Variants in STXBP4 observed in about 807,000 individuals in gnomAD.
The protein encoded by STXBP4 is syntaxin binding protein 4, also known as syntaxin-binding protein 4.
In STXBP4, 55 loss-of-function variants were observed where a neutral mutation model predicts 76.1. The observed-to-expected ratio is 0.72, with a 90% confidence interval of 0.58 to 0.91. The LOEUF is 0.91. STXBP4 is among the 40% of genes least tolerant of loss of function. The pLI is 0.00. For missense variants in STXBP4, 618 were observed against 636.9 expected (o/e 0.97, Z 0.32); for synonymous variants, 201 against 220.2 (o/e 0.91, Z 0.77).
the STXBP4 span, among the ~76,000 whole-genome samples, chr17:55,204,469 T>C: frequency 6.6e-6 from 1 of 152,126 alleles, no homozygotes; most frequent in Non-Finnish European, 1.5e-5. Context: ...GCCTGCCAGG[T>C]TTTAAAAATT....
Position 55,159,829 on chromosome 17 carries a change from C to T in STXBP4, c.1580C>T (p.Pro527Leu). 1 of 1,613,558 alleles carries T rather than the reference C, an allele frequency of 6.2e-7. No homozygotes were observed. Among genetic ancestry groups the T allele is most frequent in the Non-Finnish European group, 8.5e-7 (1 of 1,179,604 alleles). The change falls in exon 18 of 18, where the codon CCC becomes CTC. Residue 527 changes from proline (P) to leucine (L), a missense_variant. Coordinates refer to ENST00000376352, the MANE Select transcript of STXBP4 (RefSeq NM_178509.6). ...ACACAGACTACATCCTGGATCCATC[C>T]CGTGATGAGTGTCCTGAATCTATCT... Reference protein sequence around the residue: ...HVTQTTSWIHPVMSVLNLSRS... With the variant: ...HVTQTTSWIHLVMSVLNLSRS...
chr17:55,185,287 C>CCTT, the STXBP4 span, among the ~76,000 whole-genome samples: 1 of 108,268 alleles, frequency 9.2e-6, no homozygotes, highest in Admixed American at 9.6e-5. Flanking sequence ...TTCTCCTTCT[C>CCTT]CTTCTCCTTC....
chr17:55,063,033 G>T lies in STXBP4; in HGVS notation c.1012-9867G>T, dbSNP rs72833268. Among the ~76,000 whole-genome samples, 1,471 of 152,216 alleles carry T rather than the reference G, an allele frequency of 9.7e-3. 18 individuals carry two copies. The highest frequency in any genetic ancestry group is 0.032 in the South Asian group (153 of 4,824). On this transcript the variant is annotated intron_variant, in intron 12 of 17. Transcript: ENST00000376352. The stretch of plus-strand genomic sequence containing the variant: ...ACATTAATTCCTTTTTTGTGATTCA[G>T]AAAGTGACTCCTGTATTCTCCACCA...
chr17:55,050,157 G>C (rs1355992725), intron 12 of STXBP4, among the ~76,000 whole-genome samples: 1 of 152,046 alleles, frequency 6.6e-6, no homozygotes, highest in African/African-American at 2.4e-5. Context: ...GAATACCCTA[G>C]AGAGTGATAA....
At position 55,079,630 on chromosome 17, in the gene STXBP4, G is replaced by T. The variant is rs540644550; in HGVS notation, c.1355+895G>T. 1.5e-3 allele frequency among the ~76,000 whole-genome samples: 235 copies of T among 151,870 alleles called. 7 individuals carry two copies. The South Asian group carries it at 0.044, about 29-fold the overall frequency. The stretch of plus-strand genomic sequence containing the variant: ...AAAAAAAAAAAGAAATAGCCAGATG[G>T]GATGGTGCATTCCTATATTCCCAGC... On this transcript the variant is annotated intron_variant, in intron 15 of 17. Coordinates refer to ENST00000376352, the MANE Select transcript of STXBP4 (RefSeq NM_178509.6).
chr17:55,056,641 G>C, intron 12 of STXBP4, among the ~76,000 whole-genome samples: 1 of 152,180 alleles, frequency 6.6e-6, no homozygotes, highest in East Asian at 1.9e-4. Flanking sequence ...GATGGAGGCT[G>C]CAGTGAATTA....
chr17:55,034,633 A>G (rs1432214852), intron 10 of STXBP4, among the ~76,000 whole-genome samples: 1 of 152,108 alleles, frequency 6.6e-6, no homozygotes, highest in Non-Finnish European at 1.5e-5. Context: ...TATATATACT[A>G]TGAAATTTTA....
At chr17:55,112,688 A>G (rs1368533623) in intron 16 of STXBP4, among the ~76,000 whole-genome samples, 1 of 152,102 alleles carries the variant, frequency 6.6e-6, no homozygotes. Flanking sequence ...GTATTTGAAG[A>G]TGTTGTTTAG....
At chr17:55,147,851 C>T (rs2080174270) in intron 17 of STXBP4, among the ~76,000 whole-genome samples, 3 of 152,198 alleles carry the variant, frequency 2.0e-5, no homozygotes, top group African/African-American at 7.2e-5. Flanking sequence ...TTCAACTTCA[C>T]TGATGTATGC....
chr17:55,141,938 G>T (rs2145152112), intron 17 of STXBP4, among the ~76,000 whole-genome samples: 1 of 152,294 alleles, frequency 6.6e-6, no homozygotes, highest in Admixed American at 6.5e-5. Flanking sequence ...GACAGTATAT[G>T]AACAAACCTT....
chr17:55,036,943 G>A (rs2078614130), intron 10 of STXBP4, among the ~76,000 whole-genome samples: 1 of 151,910 alleles, frequency 6.6e-6, no homozygotes, highest in South Asian at 2.1e-4. Flanking sequence ...AAATAAGTCT[G>A]ACCACTCATT....
chr17:55,146,726 GA>G (rs34470146), intron 17 of STXBP4, among the ~76,000 whole-genome samples: 50,316 of 144,082 alleles, frequency 0.35, 8,763 homozygotes, highest in African/African-American at 0.46. Flanking sequence ...CAAAAAAAAA[GA>G]AAAAAAAAAA....
intron 16 of STXBP4, among the ~76,000 whole-genome samples, chr17:55,124,062 T>A (rs1205203023): frequency 6.6e-6 from 1 of 152,184 alleles, no homozygotes; most frequent in Non-Finnish European, 1.5e-5. Context: ...GCCTAAGATA[T>A]GACAAGAAGG....
intron 17 of STXBP4, among the ~76,000 whole-genome samples, chr17:55,142,224 T>C (rs2145152664): frequency 6.6e-6 from 1 of 152,316 alleles, no homozygotes; most frequent in East Asian, 1.9e-4. Context: ...CACTGTGATA[T>C]ACTTCTACCG....
At chr17:55,043,749 G>T in intron 11 of STXBP4, 1 of 1,059,282 alleles carries the variant, frequency 9.4e-7, no homozygotes, top group East Asian at 2.8e-5. Context: ...AACGTAATTT[G>T]GAATTAATAT....
At chr17:55,143,476 A>G (rs566944435) in intron 17 of STXBP4, among the ~76,000 whole-genome samples, 1 of 152,330 alleles carries the variant, frequency 6.6e-6, no homozygotes, top group South Asian at 2.1e-4. Context: ...TACTAGGGGC[A>G]CAGTTACCCA....
chr17:55,008,166 A>G (rs1357748341), intron 8 of STXBP4, among the ~76,000 whole-genome samples: 1 of 152,182 alleles, frequency 6.6e-6, no homozygotes, highest in African/African-American at 2.4e-5. Context: ...AGCACTCGAA[A>G]GCATTTATCA....
At chr17:54,986,315 A>T in intron 3 of STXBP4, 49 bp downstream of exon 3, 1 of 1,393,924 alleles carries the variant, frequency 7.2e-7, no homozygotes. Flanking sequence ...AAATATGTAA[A>T]CTATTAATGA....
At chr17:55,072,516 G>A (rs905679283) in intron 12 of STXBP4, among the ~76,000 whole-genome samples, 5 of 152,150 alleles carry the variant, frequency 3.3e-5, no homozygotes, top group African/African-American at 1.2e-4. Context: ...AGCATCTGAT[G>A]ACCCTACAAG....
Sources: allele counts gnomAD v4.1 joint callset (sites outside exome capture counted in the v4.1 genomes callset), GRCh38; gene constraint gnomAD v4.1.1; transcripts MANE v1.5; gene names NCBI Gene and HGNC (gene_info 2026-07-23, HGNC 2026-07-21).